The following IFNAR2 variants were observed in gnomAD, a reference collection of about 807,000 sequenced individuals.
IFNAR2 encodes interferon alpha and beta receptor subunit 2, also known as interferon alpha/beta receptor 2.
In IFNAR2, 30 loss-of-function variants were observed where a neutral mutation model predicts 49.4. The observed-to-expected ratio is 0.61, with a 90% CI of 0.45 to 0.82. The LOEUF is 0.82. Ranked by LOEUF, IFNAR2 falls within the 40% of genes least tolerant of loss-of-function variation. The pLI, the probability that IFNAR2 is intolerant of heterozygous loss-of-function variation, is 0.00. For synonymous variants in IFNAR2, 224 were observed against 234.5 expected (o/e 0.96, Z 0.41); for missense variants, 600 against 622.7 (o/e 0.96, Z 0.39).
intron 7 of IFNAR2, among the ~76,000 whole-genome samples, chr21:33,256,441 C>T (rs768297990): frequency 2.2e-4 from 33 of 152,134 alleles, no homozygotes; most frequent in Non-Finnish European, 4.0e-4. Flanking sequence ...TGCCATCTGA[C>T]GTGCCCTCAA....
Position 33,248,784 on chromosome 21 carries a change from T to C in IFNAR2, c.470T>C (p.Ile157Thr), listed in dbSNP as rs764348832. Reference protein sequence around the residue: ...HINVMVKFPSIVEEELQFDLS... With the variant: ...HINVMVKFPSTVEEELQFDLS... ...AATGTGATGGTGAAATTTCCATCTA[T>C]TGTTGAGGAAGAATTACAGTTTGAT... Residue 157 changes from isoleucine (I) to threonine (T), a missense_variant, in exon 6 of 9, where the codon ATT (isoleucine) becomes ACT (threonine). Transcript: ENST00000342136. 6.2e-7 allele frequency: 1 copy of C among 1,611,222 alleles called. No individual in the cohort carries two copies. The highest frequency in any genetic ancestry group is 1.1e-5 in the South Asian group (1 of 90,670).
chr21:33,244,208 C>T (rs1470467855), intron 3 of IFNAR2, among the ~76,000 whole-genome samples: 1 of 152,120 alleles, frequency 6.6e-6, no homozygotes, highest in Non-Finnish European at 1.5e-5. Context: ...AGTTGAGAAA[C>T]AAAGGCCTGA....
At position 33,252,670 on chromosome 21, in the gene IFNAR2, C is replaced by T. The variant is rs575467131; in HGVS notation, c.549C>T (p.Pro183=). 1.2e-5 allele frequency: 20 copies of T among 1,612,786 alleles called. No individual in the cohort carries two copies. Among genetic ancestry groups the T allele is most frequent in the Admixed American group, 5.0e-5 (3 of 59,850 alleles). The change falls in exon 7 of 9, where the codon CCC becomes CCT. Residue 183 remains proline, a synonymous_variant. Transcript: ENST00000342136. The part of the protein sequence containing the change: ...QSEGIVKKHK[P]EIKGNMSGNF... ...TTTGCTTATGTTTACAGCATAAACC[C>T]GAAATAAAAGGAAACATGAGTGGAA...
chr21:33,246,304 T>G (rs1013166229), intron 4 of IFNAR2, among the ~76,000 whole-genome samples: 22 of 152,088 alleles, frequency 1.4e-4, no homozygotes, highest in Non-Finnish European at 2.5e-4. Context: ...TCTCCTGACC[T>G]CGTGATCCGC....
chr21:33,233,572 C>T (rs1986217903), intron 1 of IFNAR2, among the ~76,000 whole-genome samples: 1 of 152,100 alleles, frequency 6.6e-6, no homozygotes, highest in South Asian at 2.1e-4. Context: ...TCAAGCTCGC[C>T]TCAGACTTCA....
intron 6 of IFNAR2, among the ~76,000 whole-genome samples, chr21:33,250,809 G>A (rs1987786060): frequency 6.6e-6 from 1 of 152,202 alleles, no homozygotes; most frequent in Non-Finnish European, 1.5e-5. Context: ...AAAGTGTTGG[G>A]ATTACAAGCA....
intron 7 of IFNAR2, among the ~76,000 whole-genome samples, chr21:33,257,574 T>G (rs577093512): frequency 8.4e-4 from 124 of 148,300 alleles, no homozygotes; most frequent in Middle Eastern, 3.6e-3. Flanking sequence ...TTGGTGCGTT[T>G]TAGAGTGCTG....
intron 6 of IFNAR2, among the ~76,000 whole-genome samples, chr21:33,250,331 C>T (rs1372093301): frequency 6.6e-6 from 1 of 152,040 alleles, no homozygotes; most frequent in Non-Finnish European, 1.5e-5. Context: ...AAATAAGAGA[C>T]TGTTGCTTAT....
chr21:33,239,265 C>T (rs1232740219), intron 1 of IFNAR2, among the ~76,000 whole-genome samples: 2 of 152,136 alleles, frequency 1.3e-5, no homozygotes, highest in South Asian at 2.1e-4. Context: ...GATGGGGAGC[C>T]CCAAATAAGA....
chr21:33,244,899 G>A, intron 3 of IFNAR2, 52 bp from the exon 4 acceptor site: 1 of 1,594,962 alleles, frequency 6.3e-7, no homozygotes, highest in Non-Finnish European at 8.6e-7. Context: ...ACAGTGGCCA[G>A]AATACAACTG....
rs1471935308 is a variant in IFNAR2, at chr21:33,264,448, G to C, written c.*948G>C. On this transcript the variant is annotated 3_prime_UTR_variant, in exon 9 of 9. Coordinates refer to ENST00000342136, the MANE Select transcript of IFNAR2 (RefSeq NM_001289125.3). Reference sequence around the variant, plus strand: ...AGACAGACTTTAGGATCACGTGTGTGACTAATACAGAAAGGAAACATGGCG... The same window carrying C: ...AGACAGACTTTAGGATCACGTGTGTCACTAATACAGAAAGGAAACATGGCG... 4 of 151,706 alleles carry C rather than the reference G, an allele frequency of 2.6e-5. No individual in the cohort carries two copies. The highest frequency in any genetic ancestry group is 9.7e-5 in the African/African-American group (4 of 41,230). The allele number at this position is 151,706 out of a possible 1,614,324, so 9.4% of individuals were successfully genotyped here.
chr21:33,252,743 G>C lies in IFNAR2; in HGVS notation c.622G>C (p.Val208Leu). ...GTTAATTCCAAACACGAACTACTGT[G>C]TATCTGTTTATTTAGAGCACAGTGA... ...DKLIPNTNYC[V>L]SVYLEHSDEQ... Residue 208 changes from valine to leucine, a missense_variant, in exon 7 of 9, where the codon GTA (valine) becomes CTA (leucine). Transcript: ENST00000342136. 6.2e-7 allele frequency: 1 copy of C among 1,613,652 alleles called. No individual in the cohort carries two copies. The highest frequency in any genetic ancestry group is 8.5e-7 in the Non-Finnish European group (1 of 1,179,590).
chr21:33,232,308 A>G (rs756039576), intron 1 of IFNAR2, among the ~76,000 whole-genome samples: 3 of 152,188 alleles, frequency 2.0e-5, no homozygotes, highest in Non-Finnish European at 4.4e-5. Context: ...AATTCAGGGA[A>G]GAATAAAGGA....
chr21:33,232,872 A>G (rs1052178444), intron 1 of IFNAR2: 34 of 399,576 alleles, frequency 8.5e-5, no homozygotes, highest in African/African-American at 6.5e-4. Context: ...ACTCTGCCAT[A>G]TCAGTAGGAG....
chr21:33,246,869 A>G lies in IFNAR2; in HGVS notation c.373A>G (p.Asn125Asp), dbSNP rs943997701. The G allele has an allele frequency of 3.7e-6, 6 of 1,614,058 alleles. No individual in the cohort carries two copies. The highest frequency in any genetic ancestry group is 5.1e-6 in the Non-Finnish European group (6 of 1,179,956). The change falls in exon 5 of 9, where the codon AAT becomes GAT. Residue 125 changes from asparagine (N) to aspartate (D), a missense_variant. Coordinates refer to ENST00000342136, the MANE Select transcript of IFNAR2 (RefSeq NM_001289125.3). ...CACAACGTTGTTCAGTTGCTCACAC[A>G]ATTTCTGGCTGGCCATAGACAGTGA... Reference protein sequence around the residue: ...GNTTLFSCSHNFWLAIDMSFE... With the variant: ...GNTTLFSCSHDFWLAIDMSFE...
intron 7 of IFNAR2, among the ~76,000 whole-genome samples, chr21:33,258,933 G>A (rs1988391392): frequency 6.6e-6 from 1 of 152,158 alleles, no homozygotes; most frequent in Non-Finnish European, 1.5e-5. Flanking sequence ...CCCCTGGGCT[G>A]ATTACTGCAG....
chr21:33,234,097 ACTTT>A (rs909938415), intron 1 of IFNAR2, among the ~76,000 whole-genome samples: 7 of 152,138 alleles, frequency 4.6e-5, no homozygotes, highest in African/African-American at 1.2e-4. Context: ...AGGAAATTAT[ACTTT>A]CTTATGGACA....
At chr21:33,262,652 C>T (rs1393649636) in intron 8 of IFNAR2, 141 bp from the exon 9 acceptor site, 14 of 1,202,096 alleles carry the variant, frequency 1.2e-5, no homozygotes, top group Admixed American at 3.5e-5. Flanking sequence ...CTCAAACAGT[C>T]GTCCTGCCTA....
Position 33,260,742 on chromosome 21 carries a change from T to G in IFNAR2, c.840+15T>G, listed in dbSNP as rs747375188. The G allele has an allele frequency of 2.0e-4, 287 of 1,456,054 alleles. No individual in the cohort carries two copies. The highest frequency in any genetic ancestry group is 3.4e-4 in the Admixed American group (13 of 38,210). 90.2% of individuals were successfully genotyped at this position (1,456,054 alleles called of 1,614,324 possible). A position where few individuals can be genotyped will look rare whatever the true frequency, so the allele number is the denominator to read the frequency against. On this transcript the variant is annotated intron_variant, in intron 8 of 8. Coordinates refer to ENST00000342136, the MANE Select transcript of IFNAR2 (RefSeq NM_001289125.3). ...CCAAAGTCTTGGTAGGTAGTTTTTT[T>G]GTTTTGTTTTGTTTTTTCTATCTTT...
Sources: gnomAD v4.1 joint callset for allele counts (sites outside exome capture counted in the v4.1 genomes callset) on GRCh38, gnomAD v4.1.1 for gene constraint, MANE v1.5 for transcripts, NCBI Gene and HGNC (gene_info 2026-07-23, HGNC 2026-07-21) for gene names.